Variants in DNM3 observed in about 807,000 individuals in gnomAD.
The protein encoded by DNM3 is dynamin-3.
In DNM3, 47 loss-of-function variants were observed where a neutral mutation model predicts 101.6. The ratio of observed to expected loss-of-function variants is 0.46; its 90% CI spans 0.37 to 0.59. The LOEUF (loss-of-function observed/expected upper bound fraction) is 0.59, where lower values mean the gene tolerates loss of function less well. DNM3 is among the 20% of genes least tolerant of loss of function. DNM3 has a pLI of 0.00. For synonymous variants in DNM3, 385 were observed against 387.9 expected (o/e 0.99, Z 0.09); for missense variants, 849 against 1,085.7 (o/e 0.78, Z 3.06).
chr1:172,314,640 C>T (rs1240906726), intron 16 of DNM3, among the ~76,000 whole-genome samples: 1 of 152,192 alleles, frequency 6.6e-6, no homozygotes, highest in African/African-American at 2.4e-5. Flanking sequence ...TGATTGCTAG[C>T]ACAGCAGTCT....
At chr1:171,985,950 GCACCAGAGGA>G (rs2045220144) in intron 2 of DNM3, among the ~76,000 whole-genome samples, 1 of 152,148 alleles carries the variant, frequency 6.6e-6, no homozygotes, top group South Asian at 2.1e-4. Flanking sequence ...CAGCTGAGTA[GCACCAGAGGA>G]CAAAAGTTGG....
chr1:172,129,908 G>C (rs1330516567), intron 13 of DNM3, among the ~76,000 whole-genome samples: 2 of 152,130 alleles, frequency 1.3e-5, no homozygotes, highest in Non-Finnish European at 2.9e-5. Flanking sequence ...CCAGACTGGA[G>C]AGGGATGCTA....
intron 8 of DNM3, among the ~76,000 whole-genome samples, chr1:172,043,077 G>A (rs116475940): frequency 0.017 from 2,550 of 152,162 alleles, 65 homozygotes; most frequent in African/African-American, 0.058. Context: ...CTTGTGCAAG[G>A]GGGAAATGCT....
intron 1 of DNM3, among the ~76,000 whole-genome samples, chr1:171,844,959 GC>G (rs1361384863): frequency 6.6e-6 from 1 of 152,146 alleles, no homozygotes; most frequent in Non-Finnish European, 1.5e-5. Context: ...TATTCTGGGT[GC>G]TTTTATATGA....
intron 14 of DNM3, among the ~76,000 whole-genome samples, chr1:172,234,855 T>G (rs1244821542): frequency 2.6e-5 from 4 of 152,178 alleles, no homozygotes; most frequent in African/African-American, 9.7e-5. Flanking sequence ...TAATTCAAGA[T>G]GGATTAAAGA....
chr1:172,118,849 C>G (rs2056106513), intron 13 of DNM3, among the ~76,000 whole-genome samples: 1 of 152,132 alleles, frequency 6.6e-6, no homozygotes, highest in Admixed American at 6.5e-5. Context: ...GCTGAAGCTC[C>G]TCTCTGAGTC....
intron 17 of DNM3, among the ~76,000 whole-genome samples, chr1:172,358,037 C>A (rs2067538375): frequency 6.6e-6 from 1 of 152,030 alleles, no homozygotes. Context: ...GCCATCTTTT[C>A]CTACCTCCCA....
intron 14 of DNM3, among the ~76,000 whole-genome samples, chr1:172,157,960 T>C (rs1197085128): frequency 2.0e-5 from 3 of 151,972 alleles, no homozygotes; most frequent in Non-Finnish European, 4.4e-5. Flanking sequence ...CCATACAGTA[T>C]TCTAGGCACT....
intron 2 of DNM3, among the ~76,000 whole-genome samples, chr1:171,954,519 A>C (rs2042732050): frequency 6.6e-6 from 1 of 152,234 alleles, no homozygotes; most frequent in East Asian, 1.9e-4. Flanking sequence ...ATGGAAAATG[A>C]AATCCTCTTA....
intron 1 of DNM3, among the ~76,000 whole-genome samples, chr1:171,858,560 G>A (rs1353274679): frequency 1.3e-5 from 2 of 152,136 alleles, no homozygotes; most frequent in Non-Finnish European, 2.9e-5. Flanking sequence ...GGATATCTGT[G>A]TAAGATTTAC....
At chr1:171,883,363 C>CCACA (rs71107337) in intron 1 of DNM3, among the ~76,000 whole-genome samples, 210 of 119,992 alleles carry the variant, frequency 1.8e-3, no homozygotes, top group Non-Finnish European at 2.2e-3. Context: ...CAAAAAAGGA[C>CCACA]CACACACACA....
intron 14 of DNM3, chr1:172,144,645 T>G (rs376083199): frequency 3.6e-5 from 19 of 532,224 alleles, no homozygotes; most frequent in African/African-American, 2.5e-4. Flanking sequence ...GAAGCTTCCT[T>G]CTATGTACTT....
At chr1:172,318,551 C>A (rs956126611) in intron 16 of DNM3, among the ~76,000 whole-genome samples, 36 of 152,184 alleles carry the variant, frequency 2.4e-4, no homozygotes, top group Non-Finnish European at 8.8e-5. Flanking sequence ...TCAGGATATA[C>A]AATCAATGTA....
In DNM3 at chr1:172,407,904, C is replaced by A; in HGVS notation, c.*63C>A. On this transcript the variant is annotated 3_prime_UTR_variant, in exon 21 of 21. Transcript: ENST00000627582. ...TATGCGAAAGCAACATATTTGATAA[C>A]CGTTGCAGTAAATCATGAGTAGTCG... 1.9e-6 allele frequency: 3 copies of A among 1,610,368 alleles called. No individual in the cohort carries two copies. In the South Asian group the frequency reaches 3.3e-5, roughly 18 times the overall value.
In DNM3 at chr1:172,249,550, G is replaced by A. The variant is rs1260107973; in HGVS notation, c.1660-4023G>A. Among the ~76,000 whole-genome samples, 4 of 151,998 alleles carry A rather than the reference G, an allele frequency of 2.6e-5. No homozygotes were observed. The East Asian group carries it at 5.8e-4, about 22-fold the overall frequency. On this transcript the variant is annotated intron_variant, in intron 14 of 20. Coordinates refer to ENST00000627582, the MANE Select transcript of DNM3 (RefSeq NM_015569.5). ...TGCCTCCCATAGAAATATTGCTGGC[G>A]ACCCTCCTGTATTGAGGAAAGATAC...
chr1:172,386,371 A>T lies in DNM3; in HGVS notation c.2059-762A>T, dbSNP rs111303091. ...GTTCCCACTCTCAGTGTTGTGCACCATATTCATCCTCTCCATTTTCATCCT... is the reference window on the plus strand; with the variant it reads ...GTTCCCACTCTCAGTGTTGTGCACCTTATTCATCCTCTCCATTTTCATCCT... On this transcript the variant is annotated intron_variant, in intron 18 of 20. Coordinates refer to ENST00000627582, the MANE Select transcript of DNM3 (RefSeq NM_015569.5). Among the ~76,000 whole-genome samples, 241 of 152,240 alleles carry T rather than the reference A, an allele frequency of 1.6e-3. 2 individuals are homozygous for T. Among genetic ancestry groups the T allele is most frequent in the Non-Finnish European group, 9.3e-4 (63 of 68,012 alleles).
chr1:171,847,931 T>TGA (rs2032415195), intron 1 of DNM3, among the ~76,000 whole-genome samples: 6 of 151,382 alleles, frequency 4.0e-5, no homozygotes, highest in East Asian at 1.9e-4. Context: ...TGTGTGTGTG[T>TGA]GATCATAGGT....
At chr1:172,183,557 T>G (rs1187561551) in intron 14 of DNM3, among the ~76,000 whole-genome samples, 1 of 152,030 alleles carries the variant, frequency 6.6e-6, no homozygotes, top group African/African-American at 2.4e-5. Flanking sequence ...GTTAGTTGCT[T>G]AAAATTATTG....
chr1:172,132,343 C>G (rs1460642440), intron 14 of DNM3, among the ~76,000 whole-genome samples: 2 of 152,114 alleles, frequency 1.3e-5, no homozygotes, highest in Non-Finnish European at 2.9e-5. Context: ...TTGATTGCCA[C>G]TAAACTTTCT....
Sources: gnomAD v4.1 joint callset for allele counts (sites outside exome capture counted in the v4.1 genomes callset) on GRCh38, gnomAD v4.1.1 for gene constraint, MANE v1.5 for transcripts, NCBI Gene and HGNC (gene_info 2026-07-23, HGNC 2026-07-21) for gene names.